The following SSBP3 variants were observed in gnomAD, a reference collection of about 807,000 sequenced individuals.
SSBP3 encodes single stranded DNA binding protein 3.
A neutral mutation model predicts 69.6 loss-of-function variants in SSBP3; 5 were observed. That is an observed-to-expected ratio of 0.07 (90% CI 0.04 to 0.15). The LOEUF (loss-of-function observed/expected upper bound fraction) is 0.15. Ranked by LOEUF, SSBP3 falls within the 10% of genes least tolerant of loss-of-function variation. The pLI, the probability that SSBP3 is intolerant of heterozygous loss-of-function variation, is 1.00. For missense variants in SSBP3, 312 were observed against 534.0 expected (o/e 0.58, Z 4.10); for synonymous variants, 196 against 193.4 (o/e 1.01, Z -0.11).
intron 4 of SSBP3, among the ~76,000 whole-genome samples, chr1:54,288,158 A>T (rs780746): frequency 3.3e-5 from 5 of 152,172 alleles, no homozygotes; most frequent in Non-Finnish European, 7.3e-5. Flanking sequence ...AAACCATATT[A>T]AAAAAGGATT....
upstream of SSBP3, among the ~76,000 whole-genome samples, chr1:54,409,099 A>G (rs777636876): frequency 2.6e-4 from 40 of 152,154 alleles, no homozygotes; most frequent in Admixed American, 1.8e-3. Flanking sequence ...CCAAACACCC[A>G]TGAACAGCAT....
intron 4 of SSBP3, among the ~76,000 whole-genome samples, chr1:54,331,871 T>C (rs1320077623): frequency 6.6e-6 from 1 of 152,216 alleles, no homozygotes; most frequent in Non-Finnish European, 1.5e-5. Flanking sequence ...AATGCATGCC[T>C]GAGCCTCCTA....
intron 4 of SSBP3, among the ~76,000 whole-genome samples, chr1:54,334,019 G>T (rs1037763246): frequency 1.3e-5 from 2 of 152,162 alleles, no homozygotes; most frequent in African/African-American, 4.8e-5. Flanking sequence ...TCATACCACT[G>T]CACTCCAGCT....
At chr1:54,283,425 C>G (rs1057302104) in intron 4 of SSBP3, among the ~76,000 whole-genome samples, 1 of 152,176 alleles carries the variant, frequency 6.6e-6, no homozygotes, top group African/African-American at 2.4e-5. Flanking sequence ...GCACTGTCAC[C>G]TCTACTACTA....
chr1:54,248,368 C>G (rs1644768977), intron 9 of SSBP3, among the ~76,000 whole-genome samples: 2 of 152,222 alleles, frequency 1.3e-5, no homozygotes, highest in African/African-American at 4.8e-5. Context: ...CATGTGGGGA[C>G]TTCAAGTAAC....
chr1:54,357,372 A>C lies in SSBP3; in HGVS notation c.276+44489T>G, dbSNP rs182659202. ...GGCTCACTTACAAAGTCAGGCAGGC[A>C]GGAGAAGGAAGGTAGGTCAATGTGG... On this transcript the variant is annotated intron_variant, in intron 4 of 17. Coordinates refer to ENST00000610401, the Ensembl canonical transcript of SSBP3. Among the ~76,000 whole-genome samples, 203 of 152,282 alleles carry C rather than the reference A, an allele frequency of 1.3e-3. 8 individuals are homozygous for C. In the South Asian group the frequency reaches 0.027, roughly 21 times the overall value.
At chr1:54,397,561 G>A (rs1346802958) in intron 4 of SSBP3, among the ~76,000 whole-genome samples, 1 of 152,124 alleles carries the variant, frequency 6.6e-6, no homozygotes, top group Non-Finnish European at 1.5e-5. Context: ...TGCTGGAGTG[G>A]GAGGACAGGG....
chr1:54,243,481 T>A (rs1322785596), intron 9 of SSBP3, among the ~76,000 whole-genome samples, 182 bp from the exon 10 acceptor site: 2 of 152,128 alleles, frequency 1.3e-5, no homozygotes, highest in East Asian at 3.8e-4. Flanking sequence ...GGGACCACAA[T>A]GACAAGCCAG....
chr1:54,348,094 C>T (rs928327637), intron 4 of SSBP3, among the ~76,000 whole-genome samples: 1 of 151,972 alleles, frequency 6.6e-6, no homozygotes, highest in African/African-American at 2.4e-5. Context: ...AAACACCATC[C>T]GGAGAGGTCA....
chr1:54,258,268 G>T lies in SSBP3; in HGVS notation c.367-119C>A. 1 of 694,470 alleles carries T rather than the reference G, an allele frequency of 1.4e-6. No individual in the cohort carries two copies. Among genetic ancestry groups the T allele is most frequent in the African/African-American group, 1.9e-5 (1 of 52,966 alleles). The allele number at this position is 694,470 out of a possible 1,614,324, so 43.0% of individuals were successfully genotyped here. The stretch of plus-strand genomic sequence containing the variant: ...GGGTGGGCGGCGGGCGTGCGGGGGG[G>T]TGGGCTCTGGTTGGTGGGAGGTGGT... On this transcript the variant is annotated intron_variant, in intron 5 of 17. Coordinates refer to ENST00000610401, the Ensembl canonical transcript of SSBP3. This position sits in a 1 kb window ranked among gnomAD's most constrained non-coding sequence, Gnocchi z 4.5.
At chr1:54,233,733 C>T (rs922301598) in intron 14 of SSBP3, among the ~76,000 whole-genome samples, 4 of 150,422 alleles carry the variant, frequency 2.7e-5, no homozygotes, top group African/African-American at 9.8e-5. Context: ...AGCCCCCCGC[C>T]CAGCCAGCTG....
At chr1:54,252,772 G>A (rs1644852449) in intron 7 of SSBP3, among the ~76,000 whole-genome samples, 1 of 152,240 alleles carries the variant, frequency 6.6e-6, no homozygotes, top group Non-Finnish European at 1.5e-5. Context: ...GTTGCTGGGG[G>A]GAAGTTTGCT....
At chr1:54,261,075 C>A (rs1349157123) in intron 5 of SSBP3, among the ~76,000 whole-genome samples, 2 of 152,340 alleles carry the variant, frequency 1.3e-5, no homozygotes, top group East Asian at 3.9e-4. Context: ...TGTGTCTCTG[C>A]TACCTCCACT....
intron 4 of SSBP3, among the ~76,000 whole-genome samples, chr1:54,386,683 CTTTTTTTTTTTTT>C (rs58429798): frequency 1.4e-4 from 11 of 76,136 alleles, no homozygotes; most frequent in Non-Finnish European, 2.4e-4. Flanking sequence ...ACTGATCCTA[CTTTTTTTTTTTTT>C]TTTTTTTTAA....
At chr1:54,313,455 T>TGC (rs1557521897) in intron 4 of SSBP3, among the ~76,000 whole-genome samples, 1 of 138,036 alleles carries the variant, frequency 7.2e-6, no homozygotes, top group African/African-American at 2.8e-5. Context: ...TTTTTTTTTT[T>TGC]TTTTTTCTTT....
intron 4 of SSBP3, among the ~76,000 whole-genome samples, chr1:54,283,444 G>A (rs1399271219): frequency 6.6e-6 from 1 of 152,188 alleles, no homozygotes; most frequent in African/African-American, 2.4e-5. Flanking sequence ...TAAGTGGGAT[G>A]ACTGTGGGCA....
intron 4 of SSBP3, among the ~76,000 whole-genome samples, chr1:54,318,310 A>C (rs1557526957): frequency 6.6e-6 from 1 of 152,136 alleles, no homozygotes; most frequent in Non-Finnish European, 1.5e-5. Context: ...GAGAGCCATA[A>C]TTTTCAATAT....
intron 9 of SSBP3, among the ~76,000 whole-genome samples, chr1:54,246,913 C>A (rs1221827030): frequency 1.3e-5 from 2 of 152,242 alleles, no homozygotes; most frequent in Admixed American, 6.5e-5. Context: ...CTCCTGCCTG[C>A]CTGCCTGCAG....
Position 54,229,032 on chromosome 1 carries a change from T to A in SSBP3, c.928-206A>T, listed in dbSNP as rs189870551. Among the ~76,000 whole-genome samples the A allele has an allele frequency of 3.9e-4, 59 of 152,250 alleles. No homozygotes were observed. The Middle Eastern group carries it at 0.01, about 26-fold the overall frequency. On this transcript the variant is annotated intron_variant, in intron 14 of 17. Transcript: ENST00000610401. ...TAAGCTGCAGGGCAGAGGTGCTCATTCCAATGACCCAGGTGAGGGAGAGGG... is the reference window on the plus strand; with the variant it reads ...TAAGCTGCAGGGCAGAGGTGCTCATACCAATGACCCAGGTGAGGGAGAGGG...
Sources: gnomAD v4.1 joint callset for allele counts (sites outside exome capture counted in the v4.1 genomes callset) on GRCh38, gnomAD v4.1.1 for gene constraint, Gnocchi (gnomAD v3.1) non-coding constraint, MANE v1.5 for transcripts, NCBI Gene and HGNC (gene_info 2026-07-23, HGNC 2026-07-21) for gene names.